PIK3C2G: variants seen among roughly 807,000 people sequenced by gnomAD.
PIK3C2G encodes phosphatidylinositol-4-phosphate 3-kinase catalytic subunit type 2 gamma, also known as phosphatidylinositol 3-kinase C2 domain-containing subunit gamma.
PIK3C2G carries 168 observed loss-of-function variants against 181.1 expected under a neutral mutation model. That is an observed-to-expected ratio of 0.93 (90% CI 0.82 to 1.05). The LOEUF (loss-of-function observed/expected upper bound fraction) is 1.05, where lower values mean the gene tolerates loss of function less well. Among genes scored for constraint, PIK3C2G ranks in the 50% least tolerant of loss-of-function variants. PIK3C2G has a pLI of 0.00. For missense variants in PIK3C2G, 1,869 were observed against 1,732.8 expected (o/e 1.08, Z -1.40); for synonymous variants, 573 against 592.2 (o/e 0.97, Z 0.47).
chr12:18,674,643 T>G, the PIK3C2G span, among the ~76,000 whole-genome samples: 1 of 152,208 alleles, frequency 6.6e-6, no homozygotes, highest in Non-Finnish European at 1.5e-5. Context: ...AGATGAAACA[T>G]GGTCACAAAT....
At chr12:18,598,978 C>G (rs1325680279) in intron 30 of PIK3C2G, among the ~76,000 whole-genome samples, 2 of 149,966 alleles carry the variant, frequency 1.3e-5, no homozygotes, top group Non-Finnish European at 3.0e-5. Context: ...GAATGGCAAT[C>G]ATTAAAAAGT....
chr12:18,379,430 G>A (rs905998743), intron 13 of PIK3C2G, among the ~76,000 whole-genome samples: 7 of 151,932 alleles, frequency 4.6e-5, no homozygotes, highest in Non-Finnish European at 7.4e-5. Context: ...AAGTTAATGG[G>A]TGCAGCACAC....
At chr12:18,667,655 G>T in the PIK3C2G span, among the ~76,000 whole-genome samples, 2 of 152,130 alleles carry the variant, frequency 1.3e-5, no homozygotes, top group African/African-American at 4.8e-5. Flanking sequence ...GACCCAGTTT[G>T]TACAAGGCAT....
chr12:18,640,962 C>T (rs1264533254), intron 32 of PIK3C2G, among the ~76,000 whole-genome samples: 4 of 152,024 alleles, frequency 2.6e-5, no homozygotes, highest in Admixed American at 1.3e-4. Flanking sequence ...AAAATAAATA[C>T]AAAATACAAA....
chr12:18,243,246 T>C (rs943319858), upstream of PIK3C2G, among the ~76,000 whole-genome samples: 1 of 151,576 alleles, frequency 6.6e-6, no homozygotes, highest in African/African-American at 2.4e-5. Flanking sequence ...CAATGATAAT[T>C]TTCCTAGATA....
intron 13 of PIK3C2G, among the ~76,000 whole-genome samples, chr12:18,375,577 T>C (rs911060326): frequency 1.3e-5 from 2 of 152,188 alleles, no homozygotes; most frequent in African/African-American, 2.4e-5. Context: ...AGAAAAAGCA[T>C]TATCAGGAGA....
chr12:18,657,066 C>CA, the PIK3C2G span, among the ~76,000 whole-genome samples: 2 of 151,998 alleles, frequency 1.3e-5, no homozygotes, highest in South Asian at 4.2e-4. Flanking sequence ...CTAGTGATCC[C>CA]AAAAAAACAA....
chr12:18,697,691 G>A, the PIK3C2G span, among the ~76,000 whole-genome samples: 1 of 152,012 alleles, frequency 6.6e-6, no homozygotes, highest in South Asian at 2.1e-4. Context: ...TTTTGTATGT[G>A]TATAATTTTT....
At chr12:18,425,247 A>C (rs117055390) in intron 18 of PIK3C2G, 5,121 of 153,278 alleles carry the variant, frequency 0.033, 131 homozygotes, top group Middle Eastern at 0.058. Context: ...TAGCAGGAAA[A>C]CCAGAATGAA....
chr12:18,493,342 T>C (rs1225222764), intron 20 of PIK3C2G: 1 of 152,248 alleles, frequency 6.6e-6, no homozygotes, highest in African/African-American at 2.4e-5. Flanking sequence ...TCATACCTTT[T>C]GAATGCAGTG....
chr12:18,448,093 T>A (rs1459302015), intron 18 of PIK3C2G, among the ~76,000 whole-genome samples: 1 of 152,080 alleles, frequency 6.6e-6, no homozygotes, highest in Non-Finnish European at 1.5e-5. Context: ...ATAACATAAC[T>A]CTCACTAAGT....
At chr12:18,309,698 C>T (rs1461438562) in intron 5 of PIK3C2G, among the ~76,000 whole-genome samples, 1 of 151,694 alleles carries the variant, frequency 6.6e-6, no homozygotes, top group Non-Finnish European at 1.5e-5. Context: ...TTAGATTTAA[C>T]AAAATTAATA....
chr12:18,646,109 G>A (rs1950116521), intron 32 of PIK3C2G, among the ~76,000 whole-genome samples: 1 of 152,084 alleles, frequency 6.6e-6, no homozygotes, highest in Non-Finnish European at 1.5e-5. Context: ...ACAGTGGTAG[G>A]GTTCTGAGAT....
intron 1 of PIK3C2G, among the ~76,000 whole-genome samples, chr12:18,269,328 AT>A (rs1003691867): frequency 6.0e-5 from 9 of 149,550 alleles, no homozygotes; most frequent in Admixed American, 6.7e-5. Context: ...TTCACCTATA[AT>A]TTTTTTTTTG....
intron 1 of PIK3C2G, among the ~76,000 whole-genome samples, chr12:18,267,239 C>T (rs1948541629): frequency 6.6e-6 from 1 of 152,130 alleles, no homozygotes; most frequent in Admixed American, 6.5e-5. Flanking sequence ...AGTTTCTTCA[C>T]ATCTCAGTAT....
chr12:18,699,058 C>T, the PIK3C2G span, among the ~76,000 whole-genome samples: 2 of 152,080 alleles, frequency 1.3e-5, no homozygotes, highest in African/African-American at 4.8e-5. Flanking sequence ...TCTCAGGCCC[C>T]GTTTTACCTT....
intron 29 of PIK3C2G, among the ~76,000 whole-genome samples, chr12:18,587,411 A>G (rs1946843004): frequency 6.6e-6 from 1 of 152,134 alleles, no homozygotes; most frequent in Non-Finnish European, 1.5e-5. Flanking sequence ...ATACACCAAC[A>G]AAGTCAAGCC....
chr12:18,521,938 T>C (rs1942946410), intron 24 of PIK3C2G, among the ~76,000 whole-genome samples: 2 of 152,202 alleles, frequency 1.3e-5, no homozygotes, highest in Non-Finnish European at 2.9e-5. Flanking sequence ...AAAAGCATGG[T>C]TTCCTATGCA....
At chr12:18,257,831 GAGAA>G (rs1948162881), upstream of PIK3C2G, among the ~76,000 whole-genome samples, 1 of 139,524 alleles carries the variant, frequency 7.2e-6, no homozygotes, top group Non-Finnish European at 1.6e-5. Flanking sequence ...GAGAAAGAAA[GAGAA>G]AGGAAAAGAA....
Sources: gnomAD v4.1 joint callset for allele counts (sites outside exome capture counted in the v4.1 genomes callset) on GRCh38, gnomAD v4.1.1 for gene constraint, MANE v1.5 for transcripts, NCBI Gene and HGNC (gene_info 2026-07-23, HGNC 2026-07-21) for gene names.